The following CTTN variants were observed in gnomAD, a reference collection of about 807,000 sequenced individuals.
CTTN encodes cortactin, also known as src substrate cortactin.
A neutral mutation model predicts 84.0 loss-of-function variants in CTTN; 28 were observed. The observed-to-expected ratio is 0.33, with a 90% CI of 0.25 to 0.46. The LOEUF (loss-of-function observed/expected upper bound fraction) is 0.46. Ranked by LOEUF, CTTN falls within the 20% of genes least tolerant of loss-of-function variation. The pLI, the probability that CTTN is intolerant of heterozygous loss-of-function variation, is 1.00. For synonymous variants in CTTN, 301 were observed against 288.8 expected, an observed-to-expected ratio of 1.04 and a Z score of -0.43; for missense variants, 641 against 723.8, an observed-to-expected ratio of 0.89 and a Z score of 1.31.
Position 70,436,573 on chromosome 11 carries a change from C to A in CTTN, c.*1411C>A. On this transcript the variant is annotated 3_prime_UTR_variant, in exon 18 of 18. Transcript: ENST00000301843. ...GAATTCAGAATAAACATTTTTTGAT[C>A]CACTTGCGTGATTTGCTTTGGTCTG... 1.5e-6 allele frequency: 1 copy of A among 660,626 alleles called. No homozygotes were observed. 40.9% of individuals were successfully genotyped at this position (660,626 alleles called of 1,614,324 possible).
intron 1 of CTTN, among the ~76,000 whole-genome samples, chr11:70,399,389 AT>A (rs1405211930): frequency 1.3e-5 from 2 of 149,142 alleles, no homozygotes; most frequent in Non-Finnish European, 3.0e-5. Context: ...GGGAAAAGGG[AT>A]GGGGTCCGCG....
rs200865893 is a variant in CTTN at position 70,417,045 on chromosome 11, G to C, written c.490G>C (p.Val164Leu). ...YSSGFGGKYGVQADRVDKSAV... is the reference protein window; with the variant it reads ...YSSGFGGKYGLQADRVDKSAV... ...CAGTGGTTTTGGCGGCAAGTATGGCGTGCAGGCCGACCGAGTAGACAAGAG... is the reference window on the plus strand; with the variant it reads ...CAGTGGTTTTGGCGGCAAGTATGGCCTGCAGGCCGACCGAGTAGACAAGAG... Residue 164 changes from valine to leucine, a missense_variant, in exon 8 of 18, where the codon GTG becomes CTG. By Grantham distance (32) the Val-to-Leu change is conservative. This residue lies in a region of CTTN where 284 missense variants were observed against 348.4 expected (regional missense o/e 0.82). Coordinates refer to ENST00000301843, the MANE Select transcript of CTTN (RefSeq NM_005231.4). 4 of 1,614,066 alleles carry C rather than the reference G, an allele frequency of 2.5e-6. No individual in the cohort carries two copies. Among genetic ancestry groups the C allele is most frequent in the Admixed American group, 1.7e-5 (1 of 60,004 alleles).
In CTTN at chr11:70,416,606, A is replaced by G. The variant is rs1011131165; in HGVS notation, c.458-407A>G. 16 of 163,176 alleles carry G rather than the reference A, an allele frequency of 9.8e-5. No homozygotes were observed. In the East Asian group the frequency reaches 1.9e-3, roughly 20 times the overall value. The allele number at this position is 163,176 out of a possible 1,614,324, so 10.1% of individuals were successfully genotyped here. A position where few individuals can be genotyped will look rare whatever the true frequency, so the allele number is the denominator to read the frequency against. ...GCCACTACCCCTGGCTAGTTTTTCT[A>G]TTTTTTAGTAAAGATGGGGTTTTGC... On this transcript the variant is annotated intron_variant, in intron 7 of 17. Transcript: ENST00000301843.
chr11:70,424,122 CCGGGTG>C (rs1194456254), intron 12 of CTTN, among the ~76,000 whole-genome samples: 2 of 151,996 alleles, frequency 1.3e-5, no homozygotes, highest in Admixed American at 6.6e-5. Flanking sequence ...GGGGCCGGGT[CCGGGTG>C]GCGTGCAGAG....
chr11:70,420,100 G>C (rs538242170), intron 9 of CTTN: 2 of 598,498 alleles, frequency 3.3e-6, no homozygotes, highest in East Asian at 5.5e-5. Flanking sequence ...CACCCCGCAC[G>C]TCTGTGTTGC....
chr11:70,432,944 G>T (rs1016560583), intron 15 of CTTN, among the ~76,000 whole-genome samples, 157 bp from the exon 16 acceptor site: 2 of 152,310 alleles, frequency 1.3e-5, no homozygotes, highest in Non-Finnish European at 2.9e-5. Context: ...TGAACACACC[G>T]GCAGGCCTGG....
Position 70,429,167 on chromosome 11 carries a change from C to G in CTTN, c.1144C>G (p.Gln382Glu). ...AGCCCAGCGGATGGCCAAGGAGCGGCAGGAGCAGGAAGAGGCCAGGAGGAA... is the reference window on the plus strand; with the variant it reads ...AGCCCAGCGGATGGCCAAGGAGCGGGAGGAGCAGGAAGAGGCCAGGAGGAA... ...ERAQRMAKER[Q>E]EQEEARRKLE... The change falls in exon 14 of 18, where the codon CAG becomes GAG. Residue 382 changes from glutamine (Q) to glutamate (E), a missense_variant. Gln to Glu is a conservative substitution (Grantham distance 29). Transcript: ENST00000301843. 8 of 1,613,582 alleles carry G rather than the reference C, an allele frequency of 5.0e-6. No individual in the cohort carries two copies. Among genetic ancestry groups the G allele is most frequent in the Non-Finnish European group, 6.8e-6 (8 of 1,179,968 alleles).
intron 8 of CTTN, among the ~76,000 whole-genome samples, chr11:70,418,621 G>A (rs1460015878): frequency 6.6e-6 from 1 of 152,128 alleles, no homozygotes; most frequent in Non-Finnish European, 1.5e-5. Flanking sequence ...CTATTTCCTG[G>A]CATCCCCCTG....
chr11:70,435,813 C>T lies in CTTN; in HGVS notation c.*651C>T, dbSNP rs1351085840. The T allele has an allele frequency of 1.3e-6, 2 of 1,558,348 alleles. No individual in the cohort carries two copies. Among genetic ancestry groups the T allele is most frequent in the Non-Finnish European group, 1.7e-6 (2 of 1,160,252 alleles). ...CGGCTTGTCCTCATCTCTACCCATC[C>T]CCTGATGCCCAGGTCACCGGGAGGG... On this transcript the variant is annotated 3_prime_UTR_variant, in exon 18 of 18. Transcript: ENST00000301843.
At position 70,410,820 on chromosome 11, in the gene CTTN, C is replaced by T. The variant is rs762190182; in HGVS notation, c.291+860C>T. Among the ~76,000 whole-genome samples the T allele has an allele frequency of 1.1e-4, 17 of 152,232 alleles. 1 individual carries two copies. Among genetic ancestry groups the T allele is most frequent in the Non-Finnish European group, 1.0e-4 (7 of 68,006 alleles). ...GTGTTAGCCAGTGTCGGATTCCAGC[C>T]GGTAATTCCATACCCCTCTCCCACC... is the stretch of plus-strand genomic sequence containing the variant. On this transcript the variant is annotated intron_variant, in intron 5 of 17. Transcript: ENST00000301843.
At chr11:70,425,447 A>G (rs775984319) in intron 13 of CTTN, 46 bp downstream of exon 13, 2 of 1,456,280 alleles carry the variant, frequency 1.4e-6, no homozygotes, top group East Asian at 2.3e-5. Context: ...TTCCCAGGAA[A>G]ACACTGAGGG....
intron 8 of CTTN, 73 bp downstream of exon 8, chr11:70,417,196 C>A: frequency 2.7e-6 from 3 of 1,103,424 alleles, no homozygotes; most frequent in Non-Finnish European, 2.8e-6. Context: ...TCTCTCTGCA[C>A]ACGTGATTGT....
chr11:70,421,611 C>T, intron 11 of CTTN, 31 bp downstream of exon 11: 2 of 1,512,200 alleles, frequency 1.3e-6, no homozygotes, highest in Non-Finnish European at 1.8e-6. Context: ...CTACCCTCCC[C>T]CCGACCCTCC....
intron 17 of CTTN, among the ~76,000 whole-genome samples, chr11:70,433,930 C>T (rs1393717594): frequency 2.0e-5 from 3 of 152,198 alleles, no homozygotes; most frequent in Non-Finnish European, 4.4e-5. Context: ...CGCACACACC[C>T]CCTGTTATCT....
At chr11:70,427,603 G>A (rs991853288) in intron 13 of CTTN, among the ~76,000 whole-genome samples, 5 of 152,244 alleles carry the variant, frequency 3.3e-5, no homozygotes, top group African/African-American at 4.8e-5. Context: ...CTTCTGCGAC[G>A]CCGCCCAAGC....
At chr11:70,425,168 C>T (rs1321743047) in intron 12 of CTTN, among the ~76,000 whole-genome samples, 164 bp from the exon 13 acceptor site, 1 of 152,148 alleles carries the variant, frequency 6.6e-6, no homozygotes, top group Non-Finnish European at 1.5e-5. Flanking sequence ...AGTTTTCATG[C>T]CTCAGTTAGT....
At chr11:70,408,962 G>GA (rs2058072444) in intron 4 of CTTN, among the ~76,000 whole-genome samples, 1 of 152,036 alleles carries the variant, frequency 6.6e-6, no homozygotes, top group Admixed American at 6.5e-5. Context: ...GTGGCTTGGA[G>GA]AAAAAACAAC....
chr11:70,402,887 T>G (rs2058002957), intron 1 of CTTN, among the ~76,000 whole-genome samples: 1 of 152,252 alleles, frequency 6.6e-6, no homozygotes, highest in Admixed American at 6.5e-5. Flanking sequence ...TTTAACCTTC[T>G]GAGGAACTGC....
chr11:70,401,868 CT>C (rs1283282647), intron 1 of CTTN, among the ~76,000 whole-genome samples: 20 of 151,556 alleles, frequency 1.3e-4, no homozygotes, highest in African/African-American at 4.9e-4. Flanking sequence ...TGGTGGGGGG[CT>C]TTTAGGCGCG....
Sources: allele counts gnomAD v4.1 joint callset (sites outside exome capture counted in the v4.1 genomes callset), GRCh38; gene constraint gnomAD v4.1.1; regional missense constraint gnomAD v4.1.1; transcripts MANE v1.5; gene names NCBI Gene and HGNC (gene_info 2026-07-23, HGNC 2026-07-21).